The following WDR7 variants were observed in gnomAD, a reference collection of about 807,000 sequenced individuals.
WDR7 encodes the protein WD repeat-containing protein 7.
In WDR7, 46 loss-of-function variants were observed where a neutral mutation model predicts 169.4. That is an observed-to-expected ratio of 0.27 (90% CI 0.21 to 0.35). The LOEUF is 0.35. WDR7 is among the 10% of genes least tolerant of loss of function. The pLI, the probability that WDR7 is intolerant of heterozygous loss-of-function variation, is 1.00. For synonymous variants in WDR7, 612 were observed against 666.8 expected, an observed-to-expected ratio of 0.92 and a Z score of 1.27; for missense variants, 1,534 against 1,859.3, an observed-to-expected ratio of 0.83 and a Z score of 3.22.
intron 20 of WDR7, among the ~76,000 whole-genome samples, chr18:56,859,347 T>G (rs1377387756): frequency 6.6e-6 from 1 of 152,180 alleles, no homozygotes; most frequent in African/African-American, 2.4e-5. Context: ...GTAAAAGCAT[T>G]GGCTTTAGAG....
chr18:56,874,337 A>T lies in WDR7; in HGVS notation c.3305-5607A>T, dbSNP rs1165020102. ...TTTTCCCCCTTTAGTTACCATAGCTATCACAGATTGGTGTCACACTTTGAA... is the reference window on the plus strand; with the variant it reads ...TTTTCCCCCTTTAGTTACCATAGCTTTCACAGATTGGTGTCACACTTTGAA... On this transcript the variant is annotated intron_variant, in intron 20 of 27. Coordinates refer to ENST00000254442, the MANE Select transcript of WDR7 (RefSeq NM_015285.3). 5.9e-5 allele frequency among the ~76,000 whole-genome samples: 9 copies of T among 152,204 alleles called. No homozygotes were observed. In the South Asian group the frequency reaches 1.2e-3, roughly 21 times the overall value.
chr18:56,741,314 G>A (rs745483449), intron 14 of WDR7, among the ~76,000 whole-genome samples: 10 of 151,974 alleles, frequency 6.6e-5, no homozygotes, highest in South Asian at 2.1e-4. Flanking sequence ...AAATGTTATC[G>A]AATCATCTTC....
chr18:56,936,445 G>T (rs182710723), intron 23 of WDR7, among the ~76,000 whole-genome samples: 4 of 152,212 alleles, frequency 2.6e-5, no homozygotes, highest in Non-Finnish European at 5.9e-5. Context: ...CCAATTATAG[G>T]AACTTTCCTA....
chr18:56,980,416 G>A (rs141359904), intron 26 of WDR7, among the ~76,000 whole-genome samples: 1 of 152,284 alleles, frequency 6.6e-6, no homozygotes, highest in East Asian at 1.9e-4. Context: ...ACAAGGCTGA[G>A]CTCGTTCATC....
At chr18:56,754,351 ATATG>A (rs1226449095) in intron 14 of WDR7, among the ~76,000 whole-genome samples, 1 of 150,824 alleles carries the variant, frequency 6.6e-6, no homozygotes, top group Non-Finnish European at 1.5e-5. Flanking sequence ...ATGTGTGTAT[ATATG>A]TGTGTGTATA....
intron 20 of WDR7, chr18:56,873,985 C>T (rs1442642162): frequency 6.6e-6 from 1 of 152,204 alleles, no homozygotes; most frequent in African/African-American, 2.4e-5. Flanking sequence ...AGTGCAACTG[C>T]AGAATAGAGC....
intron 26 of WDR7, among the ~76,000 whole-genome samples, chr18:57,020,451 G>A (rs995982222): frequency 6.6e-6 from 1 of 152,184 alleles, no homozygotes; most frequent in African/African-American, 2.4e-5. Flanking sequence ...GGACATAAAT[G>A]AATTAGCACA....
chr18:56,770,382 A>G (rs2044135599), intron 16 of WDR7, among the ~76,000 whole-genome samples: 1 of 152,202 alleles, frequency 6.6e-6, no homozygotes, highest in African/African-American at 2.4e-5. Flanking sequence ...TAGCCTTCAT[A>G]TACCAAATTC....
chr18:57,010,641 C>T (rs1185893175), intron 26 of WDR7, among the ~76,000 whole-genome samples: 13 of 152,062 alleles, frequency 8.5e-5, no homozygotes, highest in Non-Finnish European at 1.0e-4. Context: ...TATAATTAAT[C>T]ATTTCAACAT....
intron 20 of WDR7, among the ~76,000 whole-genome samples, chr18:56,817,025 G>T (rs2044984430): frequency 6.6e-6 from 1 of 151,908 alleles, no homozygotes; most frequent in Non-Finnish European, 1.5e-5. Context: ...AGCATGCCCA[G>T]AAAATAACAG....
chr18:56,711,909 T>C (rs985082864), intron 12 of WDR7, among the ~76,000 whole-genome samples: 76 of 152,188 alleles, frequency 5.0e-4, no homozygotes, highest in African/African-American at 1.8e-3. Context: ...ATTAAGAGAA[T>C]AGTGGGATTG....
At chr18:56,838,291 A>C (rs1173157327) in intron 20 of WDR7, among the ~76,000 whole-genome samples, 1 of 152,166 alleles carries the variant, frequency 6.6e-6, no homozygotes, top group African/African-American at 2.4e-5. Context: ...TTTTATGCTA[A>C]AGCAGGGATA....
At position 56,691,761 on chromosome 18, in the gene WDR7, G is replaced by T. The variant is rs777633113; in HGVS notation, c.910G>T (p.Val304Phe). ...ATTCCGCAGTGATGTGGGGAAGGCA[G>T]TTGAAAATTTAATTCCTCCTGTACA... ...DSFRSDVGKA[V>F]ENLIPPVQHI... is the part of the protein sequence containing the mutation. The change falls in exon 9 of 28, where the codon GTT becomes TTT. Residue 304 changes from valine to phenylalanine, a missense_variant. By Grantham distance (50) the Val-to-Phe change is conservative. Coordinates refer to ENST00000254442, the MANE Select transcript of WDR7 (RefSeq NM_015285.3). The T allele has an allele frequency of 1.2e-6, 2 of 1,612,654 alleles. No homozygotes were observed. Among genetic ancestry groups the T allele is most frequent in the Non-Finnish European group, 1.7e-6 (2 of 1,179,708 alleles).
chr18:56,867,354 T>C (rs2045896869), intron 20 of WDR7, among the ~76,000 whole-genome samples: 1 of 152,138 alleles, frequency 6.6e-6, no homozygotes, highest in Non-Finnish European at 1.5e-5. Flanking sequence ...TTTTTAAAAA[T>C]CTCAGAGCAG....
chr18:56,659,966 T>C (rs1180346106), intron 1 of WDR7, among the ~76,000 whole-genome samples: 1 of 152,092 alleles, frequency 6.6e-6, no homozygotes, highest in Admixed American at 6.5e-5. Context: ...TGATGGAAGA[T>C]GCTGATTGAG....
intron 21 of WDR7, among the ~76,000 whole-genome samples, chr18:56,892,321 C>T (rs1320038147): frequency 6.6e-6 from 1 of 152,046 alleles, no homozygotes; most frequent in Non-Finnish European, 1.5e-5. Flanking sequence ...GTTCTGTCTG[C>T]TTTTATACAT....
chr18:56,657,512 C>T (rs925543645), intron 1 of WDR7, among the ~76,000 whole-genome samples: 1 of 152,140 alleles, frequency 6.6e-6, no homozygotes, highest in East Asian at 1.9e-4. Context: ...TTAATTCATG[C>T]ACTTTTTGAA....
chr18:56,960,387 T>C (rs890955126), intron 25 of WDR7, among the ~76,000 whole-genome samples: 2 of 152,150 alleles, frequency 1.3e-5, no homozygotes, highest in Non-Finnish European at 2.9e-5. Flanking sequence ...AGAGGGTTAT[T>C]TTGGGGGTAA....
At chr18:56,919,125 A>T (rs2046672550) in intron 21 of WDR7, among the ~76,000 whole-genome samples, 1 of 152,202 alleles carries the variant, frequency 6.6e-6, no homozygotes, top group Non-Finnish European at 1.5e-5. Flanking sequence ...TACCCCATTC[A>T]ATTCTCCCCT....
Sources: allele counts gnomAD v4.1 joint callset (sites outside exome capture counted in the v4.1 genomes callset), GRCh38; gene constraint gnomAD v4.1.1; transcripts MANE v1.5; gene names NCBI Gene and HGNC (gene_info 2026-07-23, HGNC 2026-07-21).